RNF103: variants seen among roughly 807,000 people sequenced by gnomAD.
The protein encoded by RNF103 is E3 ubiquitin-protein ligase RNF103.
RNF103 carries 23 observed loss-of-function variants against 66.2 expected under a neutral mutation model. The ratio of observed to expected loss-of-function variants is 0.35; its 90% CI spans 0.25 to 0.49. The LOEUF (loss-of-function observed/expected upper bound fraction) is 0.49. Ranked by LOEUF, RNF103 falls within the 20% of genes least tolerant of loss-of-function variation. RNF103 has a pLI of 0.98. For synonymous variants in RNF103, 297 were observed against 289.9 expected (o/e 1.02, Z -0.25); for missense variants, 730 against 814.7 (o/e 0.90, Z 1.27).
chr2:86,608,316 G>A (rs1276866036), intron 3 of RNF103, among the ~76,000 whole-genome samples: 1 of 151,772 alleles, frequency 6.6e-6, no homozygotes, highest in Non-Finnish European at 1.5e-5. Context: ...GTGAAACGCT[G>A]TCTCTACTGA....
intron 2 of RNF103, chr2:86,617,835 T>G: frequency 9.2e-7 from 1 of 1,083,844 alleles, no homozygotes; most frequent in Admixed American, 4.4e-5. Flanking sequence ...AAGGTGGCTG[T>G]GCTGATTGGC....
At chr2:86,621,805 A>T (rs1679239717) in intron 1 of RNF103, among the ~76,000 whole-genome samples, 1 of 152,214 alleles carries the variant, frequency 6.6e-6, no homozygotes, top group African/African-American at 2.4e-5. Context: ...ATTACATTCC[A>T]CTTTCAGGAA....
rs1170992772 is a variant in RNF103, at chr2:86,605,240, C to T, written c.661G>A (p.Glu221Lys). Residue 221 changes from glutamate (E) to lysine (K), a missense_variant, in exon 4 of 4, where the codon GAA becomes AAA. By Grantham distance (56) the Glu-to-Lys change is moderately conservative (BLOSUM62 1). Transcript: ENST00000237455. ...TTATTCCATTCTTCTTTCAAGTGTTCAGCATTATAAATGGTTTTGATCCGA... is the reference window on the plus strand; with the variant it reads ...TTATTCCATTCTTCTTTCAAGTGTTTAGCATTATAAATGGTTTTGATCCGA... ...ASRIKTIYNA[E>K]HLKEEWNKSD... 3 of 1,613,958 alleles carry T rather than the reference C, an allele frequency of 1.9e-6. No individual in the cohort carries two copies. The South Asian group carries it at 3.3e-5, about 18-fold the overall frequency.
Position 86,604,361 on chromosome 2 carries a change from T to C in RNF103, c.1540A>G (p.Met514Val), listed in dbSNP as rs772352494. The C allele has an allele frequency of 8.7e-6, 14 of 1,614,098 alleles. No homozygotes were observed. The Admixed American group carries it at 1.5e-4, about 17-fold the overall frequency. The change falls in exon 4 of 4, where the codon ATG (methionine) becomes GTG (valine). Residue 514 changes from methionine (M) to valine (V), a missense_variant. By Grantham distance (21) the Met-to-Val change is conservative. This residue lies in a region of RNF103 where 355 missense variants were observed against 351.9 expected (regional missense o/e 1.01). Transcript: ENST00000237455. The stretch of plus-strand genomic sequence containing the variant: ...ACTCCAAGACATTTAAATCGCCACA[T>C]TGGTAAGTTTTTAATATAATCAGTT... ...IPTDYIKNLP[M>V]WRFKCLGVQS...
chr2:86,618,142 A>G (rs1679095925), intron 2 of RNF103: 1 of 280,048 alleles, frequency 3.6e-6, no homozygotes, highest in Non-Finnish European at 7.5e-6. Flanking sequence ...ATTTTCAGAG[A>G]AAAAAAATTT....
intron 3 of RNF103, among the ~76,000 whole-genome samples, chr2:86,611,614 G>T (rs1163469891): frequency 1.3e-5 from 2 of 151,972 alleles, no homozygotes; most frequent in Non-Finnish European, 2.9e-5. Context: ...AAAATGGGGG[G>T]GAAAACCGGC....
In RNF103 at chr2:86,620,413, A is replaced by G; in HGVS notation, c.283T>C (p.Ser95Pro). Reference sequence around the variant, plus strand: ...CCACTGAAATTGGTACTAGAAACCGATTCGGATGCTTCTTCTTCCTTGAGA... The same window carrying G: ...CCACTGAAATTGGTACTAGAAACCGGTTCGGATGCTTCTTCTTCCTTGAGA... ...SALKEEEASE[S>P]VSSTNFSGEM... Residue 95 changes from serine (S) to proline (P), a missense_variant, in exon 2 of 4, where the codon TCG becomes CCG. Physicochemically the swap from Ser to Pro is moderately conservative, Grantham distance 74. Coordinates refer to ENST00000237455, the MANE Select transcript of RNF103 (RefSeq NM_005667.4). 2 of 1,605,854 alleles carry G rather than the reference A, an allele frequency of 1.2e-6. No individual in the cohort carries two copies. Among genetic ancestry groups the G allele is most frequent in the Non-Finnish European group, 1.7e-6 (2 of 1,173,936 alleles).
Position 86,604,242 on chromosome 2 carries a change from T to C in RNF103, c.1659A>G (p.Val553=). 6.2e-7 allele frequency: 1 copy of C among 1,614,190 alleles called. No individual in the cohort carries two copies. The highest frequency in any genetic ancestry group is 1.1e-5 in the South Asian group (1 of 91,086). Residue 553 remains valine, a synonymous_variant, in exon 4 of 4, where the codon GTA becomes GTG. Coordinates refer to ENST00000237455, the MANE Select transcript of RNF103 (RefSeq NM_005667.4). ...GAAGTACGCTTTGCTTATCTTCAAA[T>C]ACTTCCTTCTCACTACTCAAAGTGT... The part of the protein sequence containing the change: ...NTDTLSSEKE[V]FEDKQSVLHN...
intron 2 of RNF103, chr2:86,612,836 A>G (rs529357212): frequency 1.3e-5 from 2 of 152,248 alleles, no homozygotes; most frequent in Admixed American, 6.5e-5. Flanking sequence ...CGGCTCTAAC[A>G]TACAATAAGA....
At chr2:86,606,662 CAAAAAA>C (rs200897796) in intron 3 of RNF103, among the ~76,000 whole-genome samples, 5 of 97,404 alleles carry the variant, frequency 5.1e-5, no homozygotes, top group Admixed American at 2.1e-4. Context: ...AACTTCGTCT[CAAAAAA>C]AAAAAAAAAA....
intron 3 of RNF103, among the ~76,000 whole-genome samples, chr2:86,611,370 A>T (rs1173031769): frequency 6.6e-6 from 1 of 152,172 alleles, no homozygotes; most frequent in Non-Finnish European, 1.5e-5. Context: ...TAAGCAGAAG[A>T]GAAGTAAATG....
chr2:86,616,893 C>T (rs1376040267), intron 2 of RNF103: 2 of 985,450 alleles, frequency 2.0e-6, no homozygotes, highest in South Asian at 9.4e-5. Flanking sequence ...AGCCTATCCA[C>T]TGTGCCATCT....
At chr2:86,621,947 G>A (rs1481429728) in intron 1 of RNF103, among the ~76,000 whole-genome samples, 1 of 152,038 alleles carries the variant, frequency 6.6e-6, no homozygotes, top group Admixed American at 6.5e-5. Context: ...ACTATTTCAC[G>A]TATATTTCTC....
chr2:86,620,199 T>C, intron 2 of RNF103, 131 bp downstream of exon 2: 1 of 1,186,594 alleles, frequency 8.4e-7, no homozygotes, highest in Non-Finnish European at 1.1e-6. Context: ...GGAGCCTCCC[T>C]AAGAGAACTG....
At position 86,604,552 on chromosome 2, in the gene RNF103, T is replaced by C. The variant is rs150471890; in HGVS notation, c.1349A>G (p.Asn450Ser). ...RNNNNDEVNA[N>S]NLEWLSSLWD... The stretch of plus-strand genomic sequence containing the variant: ...CAGACTTGATAACCATTCTAAGTTA[T>C]TGGCATTGACTTCATCATTGTTGTT... The change falls in exon 4 of 4, where the codon AAT becomes AGT. Residue 450 changes from asparagine to serine, a missense_variant. This residue lies in a region of RNF103 where 355 missense variants were observed against 351.9 expected (regional missense o/e 1.01). Coordinates refer to ENST00000237455, the MANE Select transcript of RNF103 (RefSeq NM_005667.4). 2,752 of 1,614,194 alleles carry C rather than the reference T, an allele frequency of 1.7e-3. 1 individual carries two copies. The highest frequency in any genetic ancestry group is 2.1e-3 in the Middle Eastern group (13 of 6,062).
Position 86,623,555 on chromosome 2 carries a change from C to T in RNF103, c.-669G>A. The T allele has an allele frequency of 1.0e-6, 1 of 992,086 alleles. No homozygotes were observed. Among genetic ancestry groups the T allele is most frequent in the Non-Finnish European group, 1.2e-6 (1 of 834,098 alleles). The allele number at this position is 992,086 out of a possible 1,614,324, so 61.5% of individuals were successfully genotyped here. On this transcript the variant is annotated 5_prime_UTR_variant, in exon 1 of 4. Coordinates refer to ENST00000237455, the MANE Select transcript of RNF103 (RefSeq NM_005667.4). ...AAGAGCGGCGGGCACGGCGGCGGCT[C>T]CAGGTTCGCTCGGGCCGGCTGGCGG...
intron 3 of RNF103, among the ~76,000 whole-genome samples, chr2:86,610,527 T>G (rs1033231652): frequency 1.3e-5 from 2 of 152,248 alleles, no homozygotes; most frequent in Non-Finnish European, 2.9e-5. Context: ...ATTTTTATTT[T>G]GTTTTTGAAT....
chr2:86,610,902 A>G (rs1678763583), intron 3 of RNF103, among the ~76,000 whole-genome samples: 1 of 152,156 alleles, frequency 6.6e-6, no homozygotes, highest in South Asian at 2.1e-4. Context: ...TCCTTTTCAA[A>G]AGAACATTAA....
At position 86,604,034 on chromosome 2, in the gene RNF103, C is replaced by T. The variant is rs1184839281; in HGVS notation, c.1867G>A (p.Val623Ile). 6.2e-7 allele frequency: 1 copy of T among 1,614,100 alleles called. No homozygotes were observed. The highest frequency in any genetic ancestry group is 1.3e-5 in the African/African-American group (1 of 75,034). Residue 623 changes from valine (V) to isoleucine (I), a missense_variant, in exon 4 of 4, where the codon GTT (valine) becomes ATT (isoleucine). Val to Ile is a conservative substitution (Grantham distance 29). Around this residue, in one of 3 missense-constraint regions of RNF103, gnomAD observed 355 missense variants for 351.9 expected, o/e 1.01. Coordinates refer to ENST00000237455, the MANE Select transcript of RNF103 (RefSeq NM_005667.4). ...CCATTTTCAAAATTCTCTAGGCAAACAACACATTCAGTACAGTGCAGCATA... is the reference window on the plus strand; with the variant it reads ...CCATTTTCAAAATTCTCTAGGCAAATAACACATTCAGTACAGTGCAGCATA... ...ADMLHCTECVVCLENFENGCL... is the reference protein window; with the variant it reads ...ADMLHCTECVICLENFENGCL...
Sources: gnomAD v4.1 joint callset for allele counts (sites outside exome capture counted in the v4.1 genomes callset) on GRCh38, gnomAD v4.1.1 for gene constraint, gnomAD v4.1.1 regional missense constraint, MANE v1.5 for transcripts, NCBI Gene and HGNC (gene_info 2026-07-23, HGNC 2026-07-21) for gene names.